Variants in MALRD1 observed in about 807,000 individuals in gnomAD.
The protein encoded by MALRD1 is MAM and LDL receptor class A domain containing 1.
In MALRD1, 247 loss-of-function variants were observed where a neutral mutation model predicts 242.1. That is an observed-to-expected ratio of 1.02 (90% CI 0.92 to 1.13). MALRD1 has a LOEUF of 1.13. Ranked by LOEUF, MALRD1 falls within the 50% of genes most tolerant of loss-of-function variation. The pLI is 0.00. For missense variants in MALRD1, 2,989 were observed against 2,533.1 expected (o/e 1.18, Z -3.86); for synonymous variants, 995 against 866.6 (o/e 1.15, Z -2.60).
intron 21 of MALRD1, among the ~76,000 whole-genome samples, chr10:19,300,885 T>C (rs557334371): frequency 4.5e-4 from 69 of 152,212 alleles, no homozygotes; most frequent in African/African-American, 1.7e-3. Flanking sequence ...AAAGACCTTA[T>C]GCACAGCAAA....
At chr10:19,423,398 ATATT>A in intron 28 of MALRD1, among the ~76,000 whole-genome samples, 1 of 152,108 alleles carries the variant, frequency 6.6e-6, no homozygotes, top group East Asian at 1.9e-4. Context: ...TATTAAATAA[ATATT>A]AAATAATATA....
intron 28 of MALRD1, among the ~76,000 whole-genome samples, chr10:19,401,421 T>C (rs188246601): frequency 1.8e-4 from 27 of 152,320 alleles, no homozygotes; most frequent in Admixed American, 1.1e-3. Flanking sequence ...GCAGTTTGTA[T>C]AAACACAAAT....
At chr10:19,285,582 T>C (rs2131898435) in intron 21 of MALRD1, among the ~76,000 whole-genome samples, 1 of 151,708 alleles carries the variant, frequency 6.6e-6, no homozygotes, top group South Asian at 2.1e-4. Flanking sequence ...GCGTTATTTC[T>C]GAGGGCTCTG....
chr10:19,082,719 T>G (rs1473352894), intron 2 of MALRD1, among the ~76,000 whole-genome samples: 1 of 152,060 alleles, frequency 6.6e-6, no homozygotes, highest in Middle Eastern at 3.4e-3. Flanking sequence ...AGATGCTCAC[T>G]CTCCCAAAAA....
At chr10:19,649,036 C>T (rs892717752) in intron 36 of MALRD1, among the ~76,000 whole-genome samples, 4 of 152,148 alleles carry the variant, frequency 2.6e-5, no homozygotes, top group Non-Finnish European at 2.9e-5. Context: ...TGATAGCCTC[C>T]AGCTCCATCC....
At chr10:19,431,500 A>G (rs1306296091) in intron 28 of MALRD1, among the ~76,000 whole-genome samples, 3 of 152,162 alleles carry the variant, frequency 2.0e-5, no homozygotes, top group Non-Finnish European at 2.9e-5. Context: ...GAGTAGTAAC[A>G]TATTTCTATA....
chr10:19,170,050 T>A (rs994701783), intron 13 of MALRD1, among the ~76,000 whole-genome samples: 1 of 152,206 alleles, frequency 6.6e-6, no homozygotes, highest in Non-Finnish European at 1.5e-5. Context: ...TGCTTTGGGT[T>A]TCATAGCAAA....
rs1222165858 is a variant in MALRD1 at position 19,257,674 on chromosome 10, A to AT, written c.2992-3dup. On this transcript the variant is annotated splice_polypyrimidine_tract_variant and intron_variant, in intron 18 of 39. Coordinates refer to ENST00000454679, the MANE Select transcript of MALRD1 (RefSeq NM_001142308.3). ...ATTTCTTATTTTTATTTTTTATTTT[A>AT]TTTTTTTAGATATTGGTGGAGGCTT... 2 of 1,508,454 alleles carry AT rather than the reference A, an allele frequency of 1.3e-6. No individual in the cohort carries two copies. Among genetic ancestry groups the AT allele is most frequent in the African/African-American group, 1.4e-5 (1 of 71,772 alleles). The allele number at this position is 1,508,454 out of a possible 1,614,324, so 93.4% of individuals were successfully genotyped here.
At chr10:19,560,361 G>A (rs1394254113) in intron 32 of MALRD1, among the ~76,000 whole-genome samples, 1 of 152,128 alleles carries the variant, frequency 6.6e-6, no homozygotes, top group African/African-American at 2.4e-5. Flanking sequence ...CCAGCTACTT[G>A]GGAGGCTGAG....
intron 14 of MALRD1, among the ~76,000 whole-genome samples, chr10:19,176,188 A>G (rs1037561104): frequency 1.3e-5 from 2 of 151,928 alleles, no homozygotes; most frequent in Non-Finnish European, 2.9e-5. Context: ...TTCCTAAGTT[A>G]TATATACTTA....
chr10:19,496,662 A>T (rs1325886337), intron 30 of MALRD1, among the ~76,000 whole-genome samples: 1 of 152,188 alleles, frequency 6.6e-6, no homozygotes, highest in Non-Finnish European at 1.5e-5. Flanking sequence ...GCAGTTATTG[A>T]TTGGTGGGAC....
chr10:19,712,991 A>G (rs1834209578), intron 38 of MALRD1, among the ~76,000 whole-genome samples: 1 of 151,990 alleles, frequency 6.6e-6, no homozygotes, highest in East Asian at 1.9e-4. Context: ...AATCCATTAT[A>G]CTCCAATGTT....
At chr10:19,332,328 C>A (rs987853264) in intron 24 of MALRD1, among the ~76,000 whole-genome samples, 1 of 151,936 alleles carries the variant, frequency 6.6e-6, no homozygotes, top group Non-Finnish European at 1.5e-5. Context: ...AAAATCAACA[C>A]CCTGATAAAT....
chr10:19,203,833 T>G lies in MALRD1; in HGVS notation c.2057T>G (p.Phe686Cys), dbSNP rs1482058448. Residue 686 changes from phenylalanine (F) to cysteine (C), a missense_variant, in exon 15 of 40, where the codon TTT becomes TGT. Phe to Cys is a radical substitution (Grantham distance 205, BLOSUM62 -2). Coordinates refer to ENST00000454679, the MANE Select transcript of MALRD1 (RefSeq NM_001142308.3). ...RSSQSELSAD[F>C]EHQAPPRDHS... ...TCTCAGAGTGAACTTTCTGCTGATT[T>G]TGAGCACCAGGCTCCACCTCGGGAT... 1 of 1,550,538 alleles carries G rather than the reference T, an allele frequency of 6.4e-7. No individual in the cohort carries two copies. Among genetic ancestry groups the G allele is most frequent in the South Asian group, 1.2e-5 (1 of 84,060 alleles).
At chr10:19,709,287 A>G (rs915119891) in intron 38 of MALRD1, among the ~76,000 whole-genome samples, 2 of 149,836 alleles carry the variant, frequency 1.3e-5, no homozygotes, top group African/African-American at 4.9e-5. Context: ...TTAGCCAGGC[A>G]TGGTGGCATG....
intron 19 of MALRD1, among the ~76,000 whole-genome samples, chr10:19,271,368 T>C (rs1840230181): frequency 2.0e-5 from 3 of 152,234 alleles, no homozygotes. Context: ...CTGTTGCTGA[T>C]ACAGAGAAAG....
At chr10:19,511,960 C>T (rs1264495941) in intron 31 of MALRD1, among the ~76,000 whole-genome samples, 3 of 151,938 alleles carry the variant, frequency 2.0e-5, no homozygotes, top group African/African-American at 7.3e-5. Context: ...GAGAAATCTC[C>T]TTGGTCAGTT....
At chr10:19,634,166 C>T (rs1376773992) in intron 36 of MALRD1, among the ~76,000 whole-genome samples, 2 of 151,970 alleles carry the variant, frequency 1.3e-5, no homozygotes, top group Admixed American at 1.3e-4. Context: ...AAAATACCTG[C>T]CAGGCCCAGA....
intron 31 of MALRD1, among the ~76,000 whole-genome samples, chr10:19,501,208 A>C (rs1296992757): frequency 6.6e-6 from 1 of 152,202 alleles, no homozygotes; most frequent in Non-Finnish European, 1.5e-5. Flanking sequence ...TGTTTTTGGA[A>C]GGTGTCTCAA....
Sources: gnomAD v4.1 joint callset for allele counts (sites outside exome capture counted in the v4.1 genomes callset) on GRCh38, gnomAD v4.1.1 for gene constraint, MANE v1.5 for transcripts, NCBI Gene and HGNC (gene_info 2026-07-23, HGNC 2026-07-21) for gene names.